Variants in CDH12 observed in about 807,000 individuals in gnomAD.
CDH12 encodes cadherin 12, also known as cadherin-12.
In CDH12, 41 loss-of-function variants were observed where a neutral mutation model predicts 74.1. The ratio of observed to expected loss-of-function variants is 0.55; its 90% CI spans 0.43 to 0.72. The LOEUF (loss-of-function observed/expected upper bound fraction) is 0.72, where lower values mean the gene tolerates loss of function less well. Ranked by LOEUF, CDH12 falls within the 30% of genes least tolerant of loss-of-function variation. The pLI, the probability that CDH12 is intolerant of heterozygous loss-of-function variation, is 0.00. For missense variants in CDH12, 945 were observed against 977.2 expected (o/e 0.97, Z 0.44); for synonymous variants, 399 against 355.0 (o/e 1.12, Z -1.39).
At chr5:21,808,918 G>A (rs1195381361) in intron 9 of CDH12, among the ~76,000 whole-genome samples, 1 of 151,998 alleles carries the variant, frequency 6.6e-6, no homozygotes, top group South Asian at 2.1e-4. Context: ...GTTTTAAAAC[G>A]TAGATTTTAG....
chr5:22,538,201 TCA>T (rs1378880833), intron 1 of CDH12, among the ~76,000 whole-genome samples: 1 of 152,174 alleles, frequency 6.6e-6, no homozygotes, highest in Non-Finnish European at 1.5e-5. Flanking sequence ...ACCATCTCCG[TCA>T]CAGTCTAAAA....
chr5:22,367,701 T>C (rs907473958), intron 3 of CDH12, among the ~76,000 whole-genome samples: 4 of 152,172 alleles, frequency 2.6e-5, no homozygotes, highest in Non-Finnish European at 5.9e-5. Context: ...ACATATCAGG[T>C]AAATATAGAA....
At chr5:21,816,828 G>A (rs929331374) in intron 9 of CDH12, 117 bp downstream of exon 9, 8 of 669,926 alleles carry the variant, frequency 1.2e-5, no homozygotes, top group Non-Finnish European at 1.9e-5. Context: ...ATGGTTCAAG[G>A]GTCAACTCTA....
At chr5:22,560,344 C>T (rs974638660) in intron 1 of CDH12, among the ~76,000 whole-genome samples, 1 of 152,138 alleles carries the variant, frequency 6.6e-6, no homozygotes, top group Non-Finnish European at 1.5e-5. Flanking sequence ...ATCCACGCTG[C>T]GTGCTATCTG....
At chr5:21,964,822 T>C (rs1756510834) in intron 6 of CDH12, among the ~76,000 whole-genome samples, 1 of 151,988 alleles carries the variant, frequency 6.6e-6, no homozygotes, top group Non-Finnish European at 1.5e-5. Flanking sequence ...TTCATAATCA[T>C]GTTTGTATTT....
At chr5:22,344,775 T>C (rs949566781) in intron 3 of CDH12, among the ~76,000 whole-genome samples, 12 of 152,322 alleles carry the variant, frequency 7.9e-5, no homozygotes, top group African/African-American at 2.9e-4. Flanking sequence ...AGTGTACAGA[T>C]GCATCATCAA....
intron 3 of CDH12, among the ~76,000 whole-genome samples, chr5:22,384,127 TATTTTTCTC>T (rs1741886471): frequency 6.6e-6 from 1 of 152,216 alleles, no homozygotes; most frequent in Admixed American, 6.5e-5. Flanking sequence ...ATTATTTTAT[TATTTTTCTC>T]ATTTTTCTCT....
intron 3 of CDH12, among the ~76,000 whole-genome samples, chr5:22,258,493 A>G (rs2150392155): frequency 6.6e-6 from 1 of 152,050 alleles, no homozygotes; most frequent in Non-Finnish European, 1.5e-5. Flanking sequence ...CTATAGTAAA[A>G]CCATCTCTGC....
At chr5:22,496,670 A>G (rs1344056118) in intron 2 of CDH12, among the ~76,000 whole-genome samples, 1 of 152,172 alleles carries the variant, frequency 6.6e-6, no homozygotes, top group African/African-American at 2.4e-5. Context: ...TAAACAATGG[A>G]ATCCACGTTG....
intron 13 of CDH12, among the ~76,000 whole-genome samples, chr5:21,758,240 T>C (rs1042150411): frequency 6.6e-6 from 1 of 152,192 alleles, no homozygotes; most frequent in African/African-American, 2.4e-5. Flanking sequence ...ATAAAATATG[T>C]GGTCACTCTC....
chr5:22,137,730 C>T (rs1435158799), intron 4 of CDH12, among the ~76,000 whole-genome samples: 8 of 151,932 alleles, frequency 5.3e-5, no homozygotes, highest in Non-Finnish European at 1.0e-4. Flanking sequence ...TAATTTATTG[C>T]GACCCCATTG....
chr5:22,094,473 A>G (rs1743626009), intron 4 of CDH12, among the ~76,000 whole-genome samples: 1 of 152,190 alleles, frequency 6.6e-6, no homozygotes, highest in Non-Finnish European at 1.5e-5. Context: ...CACAAAGTAC[A>G]TTTCTCAGAG....
intron 1 of CDH12, among the ~76,000 whole-genome samples, chr5:22,524,315 T>A (rs1475235184): frequency 6.6e-6 from 1 of 152,144 alleles, no homozygotes; most frequent in Non-Finnish European, 1.5e-5. Flanking sequence ...ATTTAAAAAT[T>A]TTTCTGTCCT....
intron 1 of CDH12, among the ~76,000 whole-genome samples, chr5:22,515,092 C>G (rs1055753900): frequency 6.6e-5 from 10 of 151,992 alleles, no homozygotes; most frequent in African/African-American, 2.2e-4. Context: ...AATCACTTAC[C>G]TTACCAATAT....
At chr5:22,327,021 T>A (rs1739140877) in intron 3 of CDH12, among the ~76,000 whole-genome samples, 1 of 152,246 alleles carries the variant, frequency 6.6e-6, no homozygotes, top group Admixed American at 6.5e-5. Flanking sequence ...TGGGGGATTT[T>A]TTTTTATTCA....
rs746684208 is a variant in CDH12 at position 22,442,565 on chromosome 5, T to G, written c.-427-37214A>C. On this transcript the variant is annotated intron_variant, in intron 2 of 14. Transcript: ENST00000382254. ...TAGATCGAACTGAAATCTCAGCAAC[T>G]TATATTCATGTCACATTGTGACACT... Among the ~76,000 whole-genome samples the G allele has an allele frequency of 1.9e-4, 29 of 152,206 alleles. 1 individual carries two copies. The highest frequency in any genetic ancestry group is 3.7e-4 in the Non-Finnish European group (25 of 68,028).
At position 22,522,755 on chromosome 5, in the gene CDH12, T is replaced by C. The variant is rs114706366; in HGVS notation, c.-522-17391A>G. On this transcript the variant is annotated intron_variant, in intron 1 of 14. Coordinates refer to ENST00000382254, the MANE Select transcript of CDH12 (RefSeq NM_004061.5). ...AGTTAACACAACCTTCCTGAATCTATTCTTTCTCACTACCTCCAGAATCAT... is the reference window on the plus strand; with the variant it reads ...AGTTAACACAACCTTCCTGAATCTACTCTTTCTCACTACCTCCAGAATCAT... Among the ~76,000 whole-genome samples, 1,246 of 152,290 alleles carry C rather than the reference T, an allele frequency of 8.2e-3. 19 individuals are homozygous for C. Among genetic ancestry groups the C allele is most frequent in the African/African-American group, 0.028 (1,184 of 41,558 alleles).
intron 1 of CDH12, among the ~76,000 whole-genome samples, chr5:22,518,441 C>T (rs1303566331): frequency 6.6e-6 from 1 of 152,134 alleles, no homozygotes; most frequent in East Asian, 1.9e-4. Context: ...GGTTTCCATG[C>T]ATATTGGCTT....
At chr5:22,715,682 T>C (rs1384186723) in intron 1 of CDH12, among the ~76,000 whole-genome samples, 1 of 151,246 alleles carries the variant, frequency 6.6e-6, no homozygotes, top group Non-Finnish European at 1.5e-5. Context: ...GAGCCAGTAA[T>C]CCCAGCTACT....
Sources: gnomAD v4.1 joint callset for allele counts (sites outside exome capture counted in the v4.1 genomes callset) on GRCh38, gnomAD v4.1.1 for gene constraint, MANE v1.5 for transcripts, NCBI Gene and HGNC (gene_info 2026-07-23, HGNC 2026-07-21) for gene names.